The following PDLIM5 variants were observed in gnomAD, a reference collection of about 807,000 sequenced individuals.
PDLIM5 encodes PDZ and LIM domain 5.
PDLIM5 carries 34 observed loss-of-function variants against 64.2 expected under a neutral mutation model. The ratio of observed to expected loss-of-function variants is 0.53; its 90% CI spans 0.40 to 0.71. PDLIM5 has a LOEUF of 0.71. Ranked by LOEUF, PDLIM5 falls within the 30% of genes least tolerant of loss-of-function variation. The pLI is 0.00. For synonymous variants in PDLIM5, 253 were observed against 269.1 expected, an observed-to-expected ratio of 0.94 and a Z score of 0.59; for missense variants, 683 against 733.6, an observed-to-expected ratio of 0.93 and a Z score of 0.80.
chr4:94,554,781 C>CAGAT (rs1733128427), intron 3 of PDLIM5, among the ~76,000 whole-genome samples: 1 of 136,646 alleles, frequency 7.3e-6, no homozygotes, highest in Non-Finnish European at 1.6e-5. Flanking sequence ...AATGTGTGTA[C>CAGAT]AGATACATTC....
chr4:94,593,528 A>G (rs1296667571), intron 7 of PDLIM5, among the ~76,000 whole-genome samples: 1 of 152,108 alleles, frequency 6.6e-6, no homozygotes, highest in Non-Finnish European at 1.5e-5. Context: ...GCACAGAGAA[A>G]GAGTGAAAGC....
intron 3 of PDLIM5, among the ~76,000 whole-genome samples, chr4:94,549,004 A>G (rs1467889325): frequency 1.6e-5 from 2 of 126,628 alleles, no homozygotes; most frequent in Admixed American, 7.9e-5. Context: ...AGGCCTTATA[A>G]GGTACTCAGG....
intron 8 of PDLIM5, among the ~76,000 whole-genome samples, chr4:94,625,775 TGATAGTCCGTATTGAACA>T (rs1739647015): frequency 6.6e-6 from 1 of 152,136 alleles, no homozygotes; most frequent in Non-Finnish European, 1.5e-5. Context: ...TCTTAACCTC[TGATAGTCCGTATTGAACA>T]GATAACAGTT....
chr4:94,575,484 GAAACA>G, intron 4 of PDLIM5, 127 bp from the exon 5 acceptor site: 1 of 631,586 alleles, frequency 1.6e-6, no homozygotes, highest in Non-Finnish European at 2.8e-6. Flanking sequence ...TTTTTATCTG[GAAACA>G]TGATGTTTGA....
rs144174163 is a variant in PDLIM5, at chr4:94,612,160, G to A, written c.921-5844G>A. On this transcript the variant is annotated intron_variant, in intron 7 of 12. Transcript: ENST00000317968. ...TTGAACCCGGGAGGCAGAAGTTGCAGTGAGCCGAAATTGCGCCATTGCACT... is the reference window on the plus strand; with the variant it reads ...TTGAACCCGGGAGGCAGAAGTTGCAATGAGCCGAAATTGCGCCATTGCACT... 3.3e-3 allele frequency among the ~76,000 whole-genome samples: 508 copies of A among 152,314 alleles called. 2 individuals are homozygous for A. The highest frequency in any genetic ancestry group is 6.8e-3 in the Middle Eastern group (2 of 294).
chr4:94,469,228 G>A (rs578070322), intron 2 of PDLIM5, among the ~76,000 whole-genome samples: 1 of 152,122 alleles, frequency 6.6e-6, no homozygotes, highest in Non-Finnish European at 1.5e-5. Context: ...AGGGGGAATG[G>A]TAACTCACAC....
intron 11 of PDLIM5, among the ~76,000 whole-genome samples, chr4:94,660,539 A>G (rs923778499): frequency 6.6e-6 from 1 of 152,032 alleles, no homozygotes; most frequent in African/African-American, 2.4e-5. Flanking sequence ...TTTATTTATT[A>G]TCATTTATTT....
chr4:94,492,455 T>C (rs1726965196), intron 2 of PDLIM5, among the ~76,000 whole-genome samples: 1 of 152,146 alleles, frequency 6.6e-6, no homozygotes, highest in African/African-American at 2.4e-5. Flanking sequence ...GGTGGCATTT[T>C]GGTATTTTCA....
intron 2 of PDLIM5, among the ~76,000 whole-genome samples, chr4:94,472,357 A>G (rs879525637): frequency 2.0e-5 from 3 of 152,192 alleles, no homozygotes; most frequent in Non-Finnish European, 4.4e-5. Context: ...CCAATTAGAC[A>G]TTCTTTCCAC....
At chr4:94,487,668 G>A (rs1726477505) in intron 2 of PDLIM5, among the ~76,000 whole-genome samples, 1 of 152,204 alleles carries the variant, frequency 6.6e-6, no homozygotes, top group Non-Finnish European at 1.5e-5. Context: ...ACTTCATGGT[G>A]CTTACTGGTG....
intron 8 of PDLIM5, among the ~76,000 whole-genome samples, chr4:94,637,287 G>C (rs1010752770): frequency 6.6e-6 from 1 of 152,172 alleles, no homozygotes; most frequent in African/African-American, 2.4e-5. Flanking sequence ...AAGATCAGGC[G>C]TGGTGGCTGA....
intron 8 of PDLIM5, among the ~76,000 whole-genome samples, chr4:94,622,495 C>T (rs1437383500): frequency 6.6e-6 from 1 of 152,168 alleles, no homozygotes; most frequent in Admixed American, 6.5e-5. Context: ...ATAAGCAATG[C>T]TTTGATAGAT....
chr4:94,493,873 A>G (rs148021993), intron 2 of PDLIM5, among the ~76,000 whole-genome samples: 6 of 152,316 alleles, frequency 3.9e-5, no homozygotes, highest in South Asian at 2.1e-4. Context: ...GATTTTGACT[A>G]CGTACTTGAC....
chr4:94,662,266 G>A (rs941291858), intron 11 of PDLIM5, among the ~76,000 whole-genome samples, 156 bp from the exon 12 acceptor site: 4 of 152,080 alleles, frequency 2.6e-5, no homozygotes, highest in African/African-American at 9.7e-5. Flanking sequence ...TCTCTCTCAA[G>A]CCAAATGTTA....
intron 3 of PDLIM5, among the ~76,000 whole-genome samples, chr4:94,524,368 CAAAA>C (rs34215993): frequency 0.2 from 15,133 of 76,870 alleles, 1,677 homozygotes; most frequent in African/African-American, 0.42. Context: ...GACCCTGTCT[CAAAA>C]AAAAAAAAAA....
chr4:94,662,479 G>A lies in PDLIM5; in HGVS notation c.1643G>A (p.Gly548Asp). 2 of 1,608,584 alleles carry A rather than the reference G, an allele frequency of 1.2e-6. No individual in the cohort carries two copies. Among genetic ancestry groups the A allele is most frequent in the Non-Finnish European group, 1.7e-6 (2 of 1,175,166 alleles). ...CHGCEFPIEA[G>D]DMFLEALGYT... Reference sequence around the variant, plus strand: ...GGATGTGAATTTCCCATAGAAGCTGGTGACATGTTCCTGGAAGCTCTGGGC... The same window carrying A: ...GGATGTGAATTTCCCATAGAAGCTGATGACATGTTCCTGGAAGCTCTGGGC... Residue 548 changes from glycine to aspartate, a missense_variant, in exon 12 of 13, where the codon GGT (glycine) becomes GAT (aspartate). By Grantham distance (94) the Gly-to-Asp change is moderately conservative (BLOSUM62 -1). Coordinates refer to ENST00000317968, the MANE Select transcript of PDLIM5 (RefSeq NM_006457.5).
intron 8 of PDLIM5, among the ~76,000 whole-genome samples, chr4:94,626,151 C>T (rs1739677809): frequency 6.6e-6 from 1 of 152,138 alleles, no homozygotes; most frequent in South Asian, 2.1e-4. Flanking sequence ...TGTTGTACCC[C>T]ATCTGAGGAG....
intron 3 of PDLIM5, among the ~76,000 whole-genome samples, chr4:94,566,620 A>G (rs760300017): frequency 1.3e-4 from 20 of 152,220 alleles, no homozygotes; most frequent in Admixed American, 3.3e-4. Context: ...CAAAGAAACT[A>G]TATGTTGCCT....
chr4:94,452,541 G>C (rs1722950932), intron 1 of PDLIM5, among the ~76,000 whole-genome samples: 1 of 152,232 alleles, frequency 6.6e-6, no homozygotes, highest in Non-Finnish European at 1.5e-5. Flanking sequence ...ACCTGTTTGG[G>C]GAAAACTTCT....
Sources: allele counts gnomAD v4.1 joint callset (sites outside exome capture counted in the v4.1 genomes callset), GRCh38; gene constraint gnomAD v4.1.1; transcripts MANE v1.5; gene names NCBI Gene and HGNC (gene_info 2026-07-23, HGNC 2026-07-21).